The following MRAP2 variants were observed in gnomAD, a reference collection of about 807,000 sequenced individuals.
The protein encoded by MRAP2 is melanocortin 2 receptor accessory protein 2, also known as melanocortin-2 receptor accessory protein 2.
A neutral mutation model predicts 17.4 loss-of-function variants in MRAP2; 20 were observed. That is an observed-to-expected ratio of 1.15 (90% confidence interval 0.81 to 1.67). The LOEUF is 1.67. Among genes scored for constraint, MRAP2 ranks in the 40% most tolerant of loss-of-function variants. MRAP2 has a pLI of 0.00. For missense variants in MRAP2, 238 were observed against 240.0 expected (o/e 0.99, Z 0.05); for synonymous variants, 96 against 88.4 (o/e 1.09, Z -0.48).
intron 3 of MRAP2, among the ~76,000 whole-genome samples, chr6:84,069,228 T>G (rs948053406): frequency 6.6e-6 from 1 of 152,220 alleles, no homozygotes; most frequent in Admixed American, 6.5e-5. Flanking sequence ...TTATGTTGGC[T>G]GTGGGTTTGT....
At chr6:84,068,056 T>C (rs111996976) in intron 3 of MRAP2, among the ~76,000 whole-genome samples, 1,607 of 152,278 alleles carry the variant, frequency 0.011, 27 homozygotes, top group African/African-American at 0.036. Flanking sequence ...CATCTTGAGT[T>C]GATTTTTGTA....
chr6:84,086,704 G>A (rs1247923689), intron 3 of MRAP2, among the ~76,000 whole-genome samples: 1 of 152,132 alleles, frequency 6.6e-6, no homozygotes, highest in African/African-American at 2.4e-5. Context: ...GGGAGGGGGT[G>A]GCCATGGGAG....
the MRAP2 span, among the ~76,000 whole-genome samples, chr6:84,130,191 A>C: frequency 6.6e-6 from 1 of 152,152 alleles, no homozygotes; most frequent in African/African-American, 2.4e-5. Flanking sequence ...CCAGACTTGC[A>C]TCTCAGGGAT....
chr6:84,037,366 A>G (rs2099486370), intron 1 of MRAP2, among the ~76,000 whole-genome samples: 1 of 152,242 alleles, frequency 6.6e-6, no homozygotes, highest in Non-Finnish European at 1.5e-5. Flanking sequence ...CCAACTAGAC[A>G]TAAAAGTTCT....
At chr6:84,053,703 A>G (rs150655185) in intron 1 of MRAP2, among the ~76,000 whole-genome samples, 8 of 152,342 alleles carry the variant, frequency 5.3e-5, no homozygotes, top group Admixed American at 5.2e-4. Context: ...TTCATGCAAC[A>G]TCACATTTAA....
intron 2 of MRAP2, among the ~76,000 whole-genome samples, chr6:84,059,760 GT>G (rs1246078325): frequency 6.6e-6 from 1 of 152,184 alleles, no homozygotes; most frequent in East Asian, 1.9e-4. Context: ...TAGCTTGGCG[GT>G]GGTGGAAACT....
chr6:84,108,685 C>G, the MRAP2 span, among the ~76,000 whole-genome samples: 1 of 152,158 alleles, frequency 6.6e-6, no homozygotes, highest in Admixed American at 6.5e-5. Context: ...TTAGTTAGAT[C>G]CCATTTGTCA....
At chr6:84,083,112 C>G (rs989158020) in intron 3 of MRAP2, among the ~76,000 whole-genome samples, 1 of 152,134 alleles carries the variant, frequency 6.6e-6, no homozygotes, top group Non-Finnish European at 1.5e-5. Flanking sequence ...CTTTCATGCC[C>G]CTTTGTTCAA....
the MRAP2 span, among the ~76,000 whole-genome samples, chr6:84,140,069 CT>C: frequency 1.3e-5 from 2 of 148,234 alleles, no homozygotes; most frequent in Non-Finnish European, 2.9e-5. Flanking sequence ...TTCATGACCA[CT>C]GAGAACACTG....
chr6:84,080,203 A>AT (rs1440983099), intron 3 of MRAP2, among the ~76,000 whole-genome samples: 3 of 151,290 alleles, frequency 2.0e-5, no homozygotes, highest in Non-Finnish European at 2.9e-5. Flanking sequence ...CCGGCTAATT[A>AT]TTTTTTGTAT....
chr6:84,103,903 G>T, the MRAP2 span, among the ~76,000 whole-genome samples: 1 of 152,092 alleles, frequency 6.6e-6, no homozygotes, highest in African/African-American at 2.4e-5. Context: ...TGCATAACTT[G>T]TATAATTACC....
At chr6:84,134,852 C>T in the MRAP2 span, among the ~76,000 whole-genome samples, 2 of 151,214 alleles carry the variant, frequency 1.3e-5, no homozygotes, top group Non-Finnish European at 2.9e-5. Context: ...TATTATAATG[C>T]CTCTATTTTG....
chr6:84,035,559 T>C (rs953388787), intron 1 of MRAP2: 2 of 321,754 alleles, frequency 6.2e-6, no homozygotes, highest in Admixed American at 6.5e-5. Flanking sequence ...AGATAAGATA[T>C]CAGAGTGCAT....
At chr6:84,102,528 C>T in the MRAP2 span, among the ~76,000 whole-genome samples, 13 of 152,172 alleles carry the variant, frequency 8.5e-5, no homozygotes, top group Non-Finnish European at 4.4e-5. Context: ...AGATTCTTTT[C>T]TAGAGCATCC....
the MRAP2 span, among the ~76,000 whole-genome samples, chr6:84,135,699 C>T: frequency 1.3e-5 from 2 of 152,054 alleles, no homozygotes; most frequent in African/African-American, 4.8e-5. Context: ...TCCATCTCTA[C>T]TAAAAACACA....
intron 2 of MRAP2, among the ~76,000 whole-genome samples, chr6:84,057,720 T>C (rs2099492041): frequency 6.6e-6 from 1 of 152,196 alleles, no homozygotes; most frequent in South Asian, 2.1e-4. Flanking sequence ...AATATTTCCT[T>C]GTATAGAGCT....
the MRAP2 span, among the ~76,000 whole-genome samples, chr6:84,139,250 A>G: frequency 1.3e-5 from 2 of 152,212 alleles, no homozygotes; most frequent in African/African-American, 4.8e-5. Flanking sequence ...GTTTCCTACC[A>G]TATATTTACA....
the MRAP2 span, among the ~76,000 whole-genome samples, chr6:84,133,533 A>T: frequency 6.6e-6 from 1 of 152,042 alleles, no homozygotes; most frequent in East Asian, 1.9e-4. Context: ...CTTCCTGGCC[A>T]CTTTGTTTAC....
the MRAP2 span, among the ~76,000 whole-genome samples, chr6:84,131,675 G>T: frequency 0.053 from 7,148 of 135,132 alleles, 562 homozygotes; most frequent in African/African-American, 0.18. Flanking sequence ...CTTTTTTTTT[G>T]TTTTGTTTTC....
Sources: gnomAD v4.1 joint callset for allele counts (sites outside exome capture counted in the v4.1 genomes callset) on GRCh38, gnomAD v4.1.1 for gene constraint, MANE v1.5 for transcripts, NCBI Gene and HGNC (gene_info 2026-07-23, HGNC 2026-07-21) for gene names.